AFM: variants seen among roughly 807,000 people sequenced by gnomAD.
The protein encoded by AFM is alpha-Alb.
Under a neutral mutation model 68.7 loss-of-function variants are expected in AFM, and 82 were observed. That is an observed-to-expected ratio of 1.19 (90% CI 1.00 to 1.43). The LOEUF (loss-of-function observed/expected upper bound fraction) is 1.43, where lower values mean the gene tolerates loss of function less well. AFM is among the 40% of genes most tolerant of loss of function. The pLI, the probability that AFM is intolerant of heterozygous loss-of-function variation, is 0.00. For synonymous variants in AFM, 250 were observed against 234.2 expected, an observed-to-expected ratio of 1.07 and a Z score of -0.61; for missense variants, 772 against 701.8, an observed-to-expected ratio of 1.10 and a Z score of -1.13.
In AFM at chr4:73,500,130, A is replaced by C; in HGVS notation, c.1549A>C (p.Lys517Gln). Residue 517 changes from lysine (K) to glutamine (Q), a missense_variant, in exon 12 of 15, where the codon AAA (lysine) becomes CAA (glutamine). Physicochemically the swap from Lys to Gln is moderately conservative, Grantham distance 53. Coordinates refer to ENST00000226355, the MANE Select transcript of AFM (RefSeq NM_001133.2). The stretch of plus-strand genomic sequence containing the variant: ...CTGCTTTGAGAGTTTGAAAGCTGAT[A>C]AAACATATGTGCCTCCACCTTTCTC... Reference protein sequence around the residue: ...RPCFESLKADKTYVPPPFSQD... With the variant: ...RPCFESLKADQTYVPPPFSQD... The C allele has an allele frequency of 6.2e-7, 1 of 1,614,050 alleles. No homozygotes were observed. The highest frequency in any genetic ancestry group is 8.5e-7 in the Non-Finnish European group (1 of 1,179,966).
Position 73,487,735 on chromosome 4 carries a change from C to T in AFM, c.627C>T (p.Val209=). Residue 209 remains valine, a synonymous_variant, in exon 6 of 15, where the codon GTC becomes GTT. Transcript: ENST00000226355. The part of the protein sequence containing the change: ...VNCLQTRAIP[V]TQYLKAFSSY... ...TCTTTCTTCTTCAGGCAATACCTGT[C>T]ACACAATATTTAAAAGCATTTTCTT... 6.2e-7 allele frequency: 1 copy of T among 1,609,966 alleles called. No homozygotes were observed. The highest frequency in any genetic ancestry group is 8.5e-7 in the Non-Finnish European group (1 of 1,176,648).
At position 73,481,845 on chromosome 4, in the gene AFM, A is replaced by G. The variant is rs1194020163; in HGVS notation, c.70A>G (p.Thr24Ala). ...TTTGACTGAATCCCTAACCCTGCCCACACAACCTCGGGATATAGGTAAGAA... is the reference window on the plus strand; with the variant it reads ...TTTGACTGAATCCCTAACCCTGCCCGCACAACCTCGGGATATAGGTAAGAA... The part of the protein sequence containing the change: ...FFLTESLTLP[T>A]QPRDIENFNS... The change falls in exon 1 of 15, where the codon ACA becomes GCA. Residue 24 changes from threonine (T) to alanine (A), a missense_variant. Transcript: ENST00000226355. 3.7e-6 allele frequency: 6 copies of G among 1,606,254 alleles called. No homozygotes were observed. The highest frequency in any genetic ancestry group is 5.1e-6 in the Non-Finnish European group (6 of 1,175,458).
intron 7 of AFM, 36 bp from the exon 8 acceptor site, chr4:73,491,836 G>A (rs778140355): frequency 8.2e-6 from 13 of 1,580,016 alleles, no homozygotes; most frequent in Non-Finnish European, 1.1e-5. Context: ...AACCCAGCCT[G>A]AAAGTAAAAT....
intron 3 of AFM, 136 bp from the exon 4 acceptor site, chr4:73,485,726 G>A: frequency 1.5e-6 from 1 of 647,042 alleles, no homozygotes; most frequent in Non-Finnish European, 2.7e-6. Flanking sequence ...AAGGGGAAGG[G>A]GAAGGAGAGG....
chr4:73,495,860 G>A (rs574095025), intron 9 of AFM, among the ~76,000 whole-genome samples: 1 of 152,288 alleles, frequency 6.6e-6, no homozygotes, highest in South Asian at 2.1e-4. Flanking sequence ...AAGCAACAAA[G>A]GTTACAAAGA....
Position 73,488,758 on chromosome 4 carries a change from C to G in AFM, c.842C>G (p.Thr281Arg). The stretch of plus-strand genomic sequence containing the variant: ...GATGTTGTGCAGTGCATCCGTGACA[C>G]GGTGAATATTCTCTAAAACCAAGTT... ...EGDVVQCIRD[T>R]SKVMNHICSK... Residue 281 changes from threonine (T) to arginine (R), a missense_variant and splice_region_variant, in exon 7 of 15, where the codon ACG (threonine) becomes AGG (arginine). Transcript: ENST00000226355. 6.2e-7 allele frequency: 1 copy of G among 1,603,446 alleles called. No individual in the cohort carries two copies. Among genetic ancestry groups the G allele is most frequent in the Non-Finnish European group, 8.5e-7 (1 of 1,176,996 alleles).
chr4:73,490,180 C>T (rs1204271667), intron 7 of AFM, among the ~76,000 whole-genome samples: 1 of 143,566 alleles, frequency 7.0e-6, no homozygotes, highest in East Asian at 2.0e-4. Context: ...AGAATGAAAC[C>T]TTATTTCAAA....
chr4:73,502,250 G>A (rs1302286328), intron 13 of AFM, among the ~76,000 whole-genome samples: 1 of 152,018 alleles, frequency 6.6e-6, no homozygotes, highest in Non-Finnish European at 1.5e-5. Flanking sequence ...TTTTGGTTTT[G>A]AACCACTCAT....
At chr4:73,496,152 T>C (rs1721247554) in intron 9 of AFM, among the ~76,000 whole-genome samples, 1 of 152,198 alleles carries the variant, frequency 6.6e-6, no homozygotes, top group South Asian at 2.1e-4. Context: ...ATGAGTCTCA[T>C]GGGGCTAACA....
At chr4:73,494,642 A>G (rs547665940) in intron 8 of AFM, among the ~76,000 whole-genome samples, 2 of 152,350 alleles carry the variant, frequency 1.3e-5, no homozygotes, top group East Asian at 3.9e-4. Flanking sequence ...AAAGTCCAGG[A>G]AGCACATCTA....
At position 73,492,061 on chromosome 4, in the gene AFM, G is replaced by A. The variant is rs780436166; in HGVS notation, c.1033G>A (p.Ala345Thr). The A allele has an allele frequency of 6.2e-7, 1 of 1,611,764 alleles. No individual in the cohort carries two copies. The highest frequency in any genetic ancestry group is 1.1e-5 in the South Asian group (1 of 90,292). ...TGAAAATGTGTGTCAAGAACGAGAT[G>A]CTGACCCAGACACCTTCTTTGCGAA... ...DSENVCQERD[A>T]DPDTFFAKFT... is the part of the protein sequence containing the mutation. Residue 345 changes from alanine to threonine, a missense_variant, in exon 8 of 15, where the codon GCT becomes ACT. Physicochemically the swap from Ala to Thr is moderately conservative, Grantham distance 58. Coordinates refer to ENST00000226355, the MANE Select transcript of AFM (RefSeq NM_001133.2).
chr4:73,487,751 G>A lies in AFM; in HGVS notation c.643G>A (p.Ala215Thr), dbSNP rs1185988688. ...RAIPVTQYLK[A>T]FSSYQKHVCG... ...AATACCTGTCACACAATATTTAAAA[G>A]CATTTTCTTCTTATCAAAAACATGT... The change falls in exon 6 of 15, where the codon GCA (alanine) becomes ACA (threonine). Residue 215 changes from alanine (A) to threonine (T), a missense_variant. By Grantham distance (58) the Ala-to-Thr change is moderately conservative (BLOSUM62 0). Transcript: ENST00000226355. 3 of 1,612,714 alleles carry A rather than the reference G, an allele frequency of 1.9e-6. No individual in the cohort carries two copies. Among genetic ancestry groups the A allele is most frequent in the Non-Finnish European group, 2.5e-6 (3 of 1,179,028 alleles).
At chr4:73,489,289 C>T (rs1278455045) in intron 7 of AFM, among the ~76,000 whole-genome samples, 2 of 151,886 alleles carry the variant, frequency 1.3e-5, no homozygotes, top group East Asian at 3.9e-4. Flanking sequence ...TCCCTTTTCC[C>T]TTTCATTTCT....
At chr4:73,483,500 T>A (rs1483689713) in intron 1 of AFM, among the ~76,000 whole-genome samples, 1 of 152,250 alleles carries the variant, frequency 6.6e-6, no homozygotes, top group African/African-American at 2.4e-5. Context: ...CCTAAATAGC[T>A]GTGACTGAGT....
chr4:73,497,141 G>A (rs1162459614), intron 9 of AFM, among the ~76,000 whole-genome samples: 1 of 152,148 alleles, frequency 6.6e-6, no homozygotes, highest in African/African-American at 2.4e-5. Flanking sequence ...ATGAGAGATA[G>A]TCCATCAAAT....
intron 12 of AFM, 138 bp downstream of exon 12, chr4:73,500,365 T>A (rs1352431344): frequency 2.7e-6 from 2 of 753,494 alleles, no homozygotes; most frequent in African/African-American, 3.7e-5. Flanking sequence ...GTCTCTTCTA[T>A]ATGGAAAAAT....
At chr4:73,495,089 A>G (rs893172548) in intron 8 of AFM, 3 of 356,704 alleles carry the variant, frequency 8.4e-6, no homozygotes, top group Admixed American at 9.2e-5. Context: ...AATAAAAAAT[A>G]TTGTTAATCT....
intron 4 of AFM, among the ~76,000 whole-genome samples, 163 bp from the exon 5 acceptor site, chr4:73,486,804 C>G (rs1177405645): frequency 6.6e-6 from 1 of 152,110 alleles, no homozygotes; most frequent in Admixed American, 6.5e-5. Flanking sequence ...AACCTTTCTT[C>G]CTTTTACCTT....
intron 11 of AFM, 106 bp from the exon 12 acceptor site, chr4:73,499,898 G>A (rs753691102): frequency 2.4e-5 from 22 of 921,514 alleles, no homozygotes; most frequent in Non-Finnish European, 2.5e-5. Flanking sequence ...TTATGAGTGA[G>A]GTTAACAGTG....
Sources: gnomAD v4.1 joint callset for allele counts (sites outside exome capture counted in the v4.1 genomes callset) on GRCh38, gnomAD v4.1.1 for gene constraint, MANE v1.5 for transcripts, NCBI Gene and HGNC (gene_info 2026-07-23, HGNC 2026-07-21) for gene names.